VRK3: variants seen among roughly 807,000 people sequenced by gnomAD.
VRK3 encodes the protein serine/threonine-protein kinase VRK3.
Under a neutral mutation model 60.4 loss-of-function variants are expected in VRK3, and 50 were observed. The observed-to-expected ratio is 0.83, with a 90% CI of 0.66 to 1.05. The LOEUF (loss-of-function observed/expected upper bound fraction) is 1.05. Among genes scored for constraint, VRK3 ranks in the 50% least tolerant of loss-of-function variants. VRK3 has a pLI of 0.00. For synonymous variants in VRK3, 246 were observed against 227.8 expected, an observed-to-expected ratio of 1.08 and a Z score of -0.72; for missense variants, 549 against 585.3, an observed-to-expected ratio of 0.94 and a Z score of 0.64.
intron 1 of VRK3, among the ~76,000 whole-genome samples, chr19:50,023,655 G>A (rs539096724): frequency 6.6e-6 from 1 of 152,224 alleles, no homozygotes. Flanking sequence ...AACAGGCCTG[G>A]CACAGAGCAA....
chr19:49,996,752 G>A (rs2076711160), intron 7 of VRK3, among the ~76,000 whole-genome samples: 1 of 151,950 alleles, frequency 6.6e-6, no homozygotes, highest in African/African-American at 2.4e-5. Context: ...ATGTAGCTGA[G>A]ATTACAGGCA....
At position 50,007,656 on chromosome 19, in the gene VRK3, TGGGCAAA is replaced by T. The variant is rs2076920028; in HGVS notation, c.453_459del (p.Leu152GlnfsTer5). ...CTCTTGTCTGTCAGCACTGTCCCTGTGGGCAAAGCTTCAAGTGAGGTGGTCACTCGGC... is the reference window on the plus strand; with the variant it reads ...CTCTTGTCTGTCAGCACTGTCCCTGTGCTTCAAGTGAGGTGGTCACTCGGC... On this transcript the variant is annotated frameshift_variant, in exon 5 of 15. Coordinates refer to ENST00000316763, the MANE Select transcript of VRK3 (RefSeq NM_016440.4). LOFTEE classifies it high-confidence loss of function. 15 of 1,614,200 alleles carry T rather than the reference TGGGCAAA, an allele frequency of 9.3e-6. No homozygotes were observed. The highest frequency in any genetic ancestry group is 1.2e-5 in the Non-Finnish European group (14 of 1,180,044).
intron 5 of VRK3, among the ~76,000 whole-genome samples, chr19:50,005,865 G>A (rs1403255909): frequency 6.7e-6 from 1 of 149,714 alleles, no homozygotes; most frequent in Non-Finnish European, 1.5e-5. Flanking sequence ...AGTGGACTGG[G>A]GGAAGAATCA....
chr19:49,988,330 C>A, intron 12 of VRK3, 42 bp downstream of exon 12: 2 of 1,567,062 alleles, frequency 1.3e-6, no homozygotes, highest in Non-Finnish European at 1.7e-6. Flanking sequence ...TGCAGGGGTT[C>A]TGCTGACCAC....
At chr19:50,013,081 GGA>G (rs2077021642) in intron 3 of VRK3, among the ~76,000 whole-genome samples, 1 of 151,652 alleles carries the variant, frequency 6.6e-6, no homozygotes, top group Non-Finnish European at 1.5e-5. Flanking sequence ...GCAGGAGGAT[GGA>G]GAGAACCCGG....
Position 49,976,655 on chromosome 19 carries a change from T to C in VRK3, c.*141A>G, listed in dbSNP as rs962992688. On this transcript the variant is annotated 3_prime_UTR_variant, in exon 15 of 15. Transcript: ENST00000316763. ...CGGGAGGCTAATCAGGACTGATGAG[T>C]ATCCTGAAACCAGTGGCAGGAATGC... The C allele has an allele frequency of 1.3e-5, 2 of 152,472 alleles. No homozygotes were observed. Among genetic ancestry groups the C allele is most frequent in the Non-Finnish European group, 1.5e-5 (1 of 67,998 alleles). 9.4% of individuals were successfully genotyped at this position (152,472 alleles called of 1,614,324 possible).
At chr19:49,991,518 TACACACACAC>T (rs937491646) in intron 10 of VRK3, among the ~76,000 whole-genome samples, 15 of 150,718 alleles carry the variant, frequency 1.0e-4, no homozygotes, top group African/African-American at 3.7e-4. Flanking sequence ...AATAAATCTC[TACACACACAC>T]ACACACGCAC....
At chr19:49,994,721 G>A in intron 9 of VRK3, 93 bp downstream of exon 9, 5 of 1,120,528 alleles carry the variant, frequency 4.5e-6, no homozygotes, top group Non-Finnish European at 3.8e-6. Context: ...GAGGGGGGTG[G>A]GGGCCGGAAG....
At chr19:49,978,291 G>A (rs1243663634) in intron 14 of VRK3, among the ~76,000 whole-genome samples, 2 of 152,310 alleles carry the variant, frequency 1.3e-5, no homozygotes, top group East Asian at 1.9e-4. Context: ...AGCCAACTCC[G>A]ATGAGAGAAA....
At chr19:49,987,266 G>A (rs1480738580) in intron 12 of VRK3, among the ~76,000 whole-genome samples, 2 of 152,048 alleles carry the variant, frequency 1.3e-5, no homozygotes, top group Non-Finnish European at 2.9e-5. Flanking sequence ...TACCCACAGC[G>A]CTTCCCTTTT....
chr19:49,978,384 T>C (rs949659236), intron 14 of VRK3, among the ~76,000 whole-genome samples: 1 of 152,200 alleles, frequency 6.6e-6, no homozygotes, highest in Non-Finnish European at 1.5e-5. Flanking sequence ...ATTTACTGTG[T>C]AGTCTGTCTT....
rs371431764 is a variant in VRK3, at chr19:49,988,444, T to C, written c.1145A>G (p.Lys382Arg). 18 of 1,613,802 alleles carry C rather than the reference T, an allele frequency of 1.1e-5. No homozygotes were observed. The African/African-American group carries it at 1.9e-4, about 17-fold the overall frequency. The stretch of plus-strand genomic sequence containing the variant: ...CCATGGCAGAAACCCGTAGAGCCAC[T>C]TCAGCATGCAGTAGCCCAGGCTCTG... Reference protein sequence around the residue: ...DLQSLGYCMLKWLYGFLPWTN... With the variant: ...DLQSLGYCMLRWLYGFLPWTN... Residue 382 changes from lysine (K) to arginine (R), a missense_variant, in exon 12 of 15, where the codon AAG becomes AGG. Lys to Arg is a conservative substitution (Grantham distance 26). Transcript: ENST00000316763.
chr19:49,995,312 A>G lies in VRK3; in HGVS notation c.680-37T>C, dbSNP rs757556130. 1.5e-5 allele frequency: 24 copies of G among 1,595,488 alleles called. No homozygotes were observed. In the African/African-American group the frequency reaches 3.1e-4, roughly 21 times the overall value. On this transcript the variant is annotated intron_variant, in intron 7 of 14. Transcript: ENST00000316763. Reference sequence around the variant, plus strand: ...AGGGGCTTGAGGTTAGAACCCACCCAGTCCCAAGCCCATGGCAGTAAGAGC... The same window carrying G: ...AGGGGCTTGAGGTTAGAACCCACCCGGTCCCAAGCCCATGGCAGTAAGAGC...
At chr19:50,002,026 A>C (rs1445878866) in intron 5 of VRK3, among the ~76,000 whole-genome samples, 2 of 152,166 alleles carry the variant, frequency 1.3e-5, no homozygotes, top group African/African-American at 4.8e-5. Flanking sequence ...TGGTGGCCTT[A>C]AAATATCCCC....
At chr19:50,018,765 C>T (rs2077115794) in intron 2 of VRK3, among the ~76,000 whole-genome samples, 1 of 151,832 alleles carries the variant, frequency 6.6e-6, no homozygotes, top group Non-Finnish European at 1.5e-5. Context: ...ACTGCCTCTT[C>T]CCTCTCTGCC....
chr19:50,010,247 TA>T (rs2076973157), intron 3 of VRK3, among the ~76,000 whole-genome samples: 1 of 152,222 alleles, frequency 6.6e-6, no homozygotes, highest in Admixed American at 6.5e-5. Flanking sequence ...TTCAATTTGT[TA>T]TTTTATTTAT....
At chr19:50,013,252 A>G (rs530282135) in intron 3 of VRK3, among the ~76,000 whole-genome samples, 1 of 152,350 alleles carries the variant, frequency 6.6e-6, no homozygotes, top group East Asian at 1.9e-4. Context: ...AACTGTGGAG[A>G]TGAAGAAGTC....
rs2076553685 is a variant in VRK3 at position 49,988,431 on chromosome 19, C to G, written c.1158G>C (p.Gly386=). The G allele has an allele frequency of 6.2e-7, 1 of 1,613,690 alleles. No individual in the cohort carries two copies. Among genetic ancestry groups the G allele is most frequent in the African/African-American group, 1.3e-5 (1 of 74,924 alleles). Residue 386 remains glycine (G), a synonymous_variant, in exon 12 of 15, where the codon GGG becomes GGC. Coordinates refer to ENST00000316763, the MANE Select transcript of VRK3 (RefSeq NM_016440.4). ...LGYCMLKWLY[G]FLPWTNCLPN... ...GAAGGCAATTTGTCCATGGCAGAAACCCGTAGAGCCACTTCAGCATGCAGT... is the reference window on the plus strand; with the variant it reads ...GAAGGCAATTTGTCCATGGCAGAAAGCCGTAGAGCCACTTCAGCATGCAGT...
chr19:49,985,810 C>T (rs116289045), intron 12 of VRK3, among the ~76,000 whole-genome samples: 245 of 152,316 alleles, frequency 1.6e-3, no homozygotes, highest in African/African-American at 5.6e-3. Context: ...CAGGAACCAC[C>T]AGTTCACCTC....
Sources: allele counts gnomAD v4.1 joint callset (sites outside exome capture counted in the v4.1 genomes callset), GRCh38; gene constraint gnomAD v4.1.1; transcripts MANE v1.5; gene names NCBI Gene and HGNC (gene_info 2026-07-23, HGNC 2026-07-21).